Variants in ATP13A4 observed in about 807,000 individuals in gnomAD.
ATP13A4 encodes the protein probable cation-transporting ATPase 13A4.
In ATP13A4, 114 loss-of-function variants were observed where a neutral mutation model predicts 142.5. The ratio of observed to expected loss-of-function variants is 0.80; its 90% CI spans 0.69 to 0.93. The LOEUF (loss-of-function observed/expected upper bound fraction) is 0.93. Ranked by LOEUF, ATP13A4 falls within the 40% of genes least tolerant of loss-of-function variation. The pLI, the probability that ATP13A4 is intolerant of heterozygous loss-of-function variation, is 0.00. For missense variants in ATP13A4, 1,392 were observed against 1,454.0 expected (o/e 0.96, Z 0.69); for synonymous variants, 488 against 514.8 (o/e 0.95, Z 0.70).
chr3:193,461,661 A>C (rs1162624049), intron 13 of ATP13A4, among the ~76,000 whole-genome samples: 1 of 152,240 alleles, frequency 6.6e-6, no homozygotes, highest in East Asian at 1.9e-4. Context: ...CATAATGCAA[A>C]AGAACCACAA....
At chr3:193,406,553 G>A (rs138257044) in intron 29 of ATP13A4, among the ~76,000 whole-genome samples, 12 of 152,318 alleles carry the variant, frequency 7.9e-5, no homozygotes, top group African/African-American at 2.9e-4. Context: ...GGGAGAGCGT[G>A]AATCACGTGG....
At chr3:193,481,387 T>C (rs1454044065) in intron 8 of ATP13A4, among the ~76,000 whole-genome samples, 6 of 152,142 alleles carry the variant, frequency 3.9e-5, no homozygotes, top group Admixed American at 2.0e-4. Context: ...AAGCCTGAAA[T>C]AGATACCAAA....
upstream of ATP13A4, among the ~76,000 whole-genome samples, chr3:193,559,807 A>G (rs1013953465): frequency 3.3e-5 from 5 of 152,192 alleles, no homozygotes; most frequent in African/African-American, 4.8e-5. Flanking sequence ...TTCCAAAAAT[A>G]GGAAATTAAA....
intron 1 of ATP13A4, among the ~76,000 whole-genome samples, chr3:193,592,287 A>C: frequency 6.6e-6 from 1 of 152,110 alleles, no homozygotes; most frequent in East Asian, 1.9e-4. Flanking sequence ...TACAAAACAT[A>C]AAAGGTTTGT....
chr3:193,436,826 CG>C (rs1716300124), intron 23 of ATP13A4, among the ~76,000 whole-genome samples: 1 of 138,686 alleles, frequency 7.2e-6, no homozygotes. Context: ...TCCCCGGGGC[CG>C]GGCGCGGTGG....
chr3:193,502,346 T>C, intron 3 of ATP13A4, 147 bp downstream of exon 3: 1 of 972,212 alleles, frequency 1.0e-6, no homozygotes, highest in Non-Finnish European at 1.6e-6. Context: ...CAAGCTGAGA[T>C]TTGGACTGTC....
chr3:193,415,007 G>C (rs576588884), intron 25 of ATP13A4, among the ~76,000 whole-genome samples: 1 of 151,572 alleles, frequency 6.6e-6, no homozygotes, highest in South Asian at 2.1e-4. Context: ...AGAAGGGAGG[G>C]ATGAAATATA....
At chr3:193,475,923 T>C (rs79107260) in intron 8 of ATP13A4, among the ~76,000 whole-genome samples, 1,643 of 152,126 alleles carry the variant, frequency 0.011, 48 homozygotes, top group African/African-American at 0.037. Flanking sequence ...GGTTATTATA[T>C]ACAATGGGAT....
At chr3:193,493,186 C>A in intron 3 of ATP13A4, 26 bp from the exon 4 acceptor site, 1 of 1,600,180 alleles carries the variant, frequency 6.2e-7, no homozygotes, top group Non-Finnish European at 8.5e-7. Context: ...ACTAAGAAAA[C>A]CTCTAGTTTG....
intron 1 of ATP13A4, among the ~76,000 whole-genome samples, chr3:193,589,845 G>GTAACA (rs1724730550): frequency 6.7e-6 from 1 of 150,158 alleles, no homozygotes; most frequent in South Asian, 2.1e-4. Flanking sequence ...GGTTAGGCAT[G>GTAACA]TAACATAAAT....
intron 27 of ATP13A4, among the ~76,000 whole-genome samples, chr3:193,411,577 T>C (rs1576933359): frequency 6.6e-6 from 1 of 152,324 alleles, no homozygotes; most frequent in East Asian, 1.9e-4. Flanking sequence ...CAATTTGGGC[T>C]TTGAATTTTT....
chr3:193,530,740 G>A lies in ATP13A4; in HGVS notation c.61-15869C>T, dbSNP rs139991937. ...CCAGCTGTCCTGGTTTGCCTGAGGG[G>A]TTTCTCAGGATGTTGTGATTTCATT... On this transcript the variant is annotated intron_variant, in intron 1 of 29. Coordinates refer to ENST00000342695, the MANE Select transcript of ATP13A4 (RefSeq NM_032279.4). 6.6e-3 allele frequency among the ~76,000 whole-genome samples: 999 copies of A among 152,182 alleles called. 3 individuals carry two copies. The highest frequency in any genetic ancestry group is 8.3e-3 in the Non-Finnish European group (566 of 68,008).
At chr3:193,416,825 C>T (rs1715088610) in intron 25 of ATP13A4, among the ~76,000 whole-genome samples, 1 of 152,048 alleles carries the variant, frequency 6.6e-6, no homozygotes, top group Admixed American at 6.6e-5. Flanking sequence ...CAGAAAACTT[C>T]CCAAATTTGA....
chr3:193,437,262 C>T (rs1716342112), intron 23 of ATP13A4, among the ~76,000 whole-genome samples: 2 of 150,862 alleles, frequency 1.3e-5, no homozygotes, highest in Non-Finnish European at 2.9e-5. Flanking sequence ...TTTTCCCATA[C>T]CACCCCATCT....
At position 193,474,862 on chromosome 3, in the gene ATP13A4, GA is replaced by G. The variant is rs543053381; in HGVS notation, c.809-3870del. ...GGCAACTTATTCTCAAGAAGTTCTA[GA>G]AAAAAAGTTATTTAAACTATTCTTA... On this transcript the variant is annotated intron_variant, in intron 8 of 29. Coordinates refer to ENST00000342695, the MANE Select transcript of ATP13A4 (RefSeq NM_032279.4). 6.2e-3 allele frequency among the ~76,000 whole-genome samples: 942 copies of G among 152,014 alleles called. 19 individuals are homozygous for G. Among genetic ancestry groups the G allele is most frequent in the African/African-American group, 0.022 (903 of 41,384 alleles).
At chr3:193,499,248 A>ACACAATCTCTCTCTAATTTGCAGATTT (rs1560234728) in intron 3 of ATP13A4, among the ~76,000 whole-genome samples, 3 of 152,240 alleles carry the variant, frequency 2.0e-5, no homozygotes, top group African/African-American at 7.2e-5. Flanking sequence ...TAGGAATGAC[A>ACACAATCTCTCTCTAATTTGCAGATTT]CACAATCTCT....
At chr3:193,404,721 T>TA (rs1396801615) in intron 29 of ATP13A4, among the ~76,000 whole-genome samples, 2 of 152,142 alleles carry the variant, frequency 1.3e-5, no homozygotes, top group South Asian at 2.1e-4. Context: ...ATGCTTCTGG[T>TA]ACAGCCTGCA....
At chr3:193,574,713 CA>C in intron 2 of ATP13A4, among the ~76,000 whole-genome samples, 1 of 152,146 alleles carries the variant, frequency 6.6e-6, no homozygotes, top group African/African-American at 2.4e-5. Context: ...GAGACTCCAT[CA>C]AAAAACAAAC....
intron 13 of ATP13A4, among the ~76,000 whole-genome samples, chr3:193,460,668 G>C (rs575732977): frequency 6.6e-6 from 1 of 152,130 alleles, no homozygotes; most frequent in Admixed American, 6.5e-5. Context: ...GCAAAATACA[G>C]ATCAGAAAAA....
Sources: gnomAD v4.1 joint callset for allele counts (sites outside exome capture counted in the v4.1 genomes callset) on GRCh38, gnomAD v4.1.1 for gene constraint, MANE v1.5 for transcripts, NCBI Gene and HGNC (gene_info 2026-07-23, HGNC 2026-07-21) for gene names.